L3MBTL4: variants seen among roughly 807,000 people sequenced by gnomAD.
L3MBTL4 encodes lethal(3)malignant brain tumor-like protein 4.
In L3MBTL4, 70 loss-of-function variants were observed where a neutral mutation model predicts 84.5. That is an observed-to-expected ratio of 0.83 (90% CI 0.68 to 1.01). The LOEUF (loss-of-function observed/expected upper bound fraction) is 1.01. L3MBTL4 is among the 50% of genes least tolerant of loss of function. L3MBTL4 has a pLI of 0.00. For synonymous variants in L3MBTL4, 274 were observed against 259.8 expected (o/e 1.05, Z -0.52); for missense variants, 715 against 754.8 (o/e 0.95, Z 0.62).
chr18:6,401,022 C>T (rs1421051628), intron 1 of L3MBTL4, among the ~76,000 whole-genome samples: 3 of 152,296 alleles, frequency 2.0e-5, no homozygotes, highest in African/African-American at 7.2e-5. Flanking sequence ...CCTGATGCTG[C>T]CAGCCTACTC....
intron 1 of L3MBTL4, among the ~76,000 whole-genome samples, chr18:6,328,258 G>C (rs1342094981): frequency 6.6e-6 from 1 of 152,220 alleles, no homozygotes; most frequent in Admixed American, 6.5e-5. Flanking sequence ...ATATTTGACT[G>C]TCAGGTAGTT....
In L3MBTL4 at chr18:6,239,848, G is replaced by C. The variant is rs768516115; in HGVS notation, c.577C>G (p.Gln193Glu). 2.5e-6 allele frequency: 4 copies of C among 1,614,162 alleles called. No individual in the cohort carries two copies. The East Asian group carries it at 6.7e-5, about 27-fold the overall frequency. ...ACGGCCTCCAGCTTCATTCCAACCT[G>C]AAATTCTTTAGACATTGGCCCATTC... ...SPNGPMSKEF[Q>E]VGMKLEAVDR... The change falls in exon 9 of 19, where the codon CAG becomes GAG. Residue 193 changes from glutamine (Q) to glutamate (E), a missense_variant. Transcript: ENST00000317931.
intron 16 of L3MBTL4, among the ~76,000 whole-genome samples, chr18:6,066,664 ATAAG>A (rs536149600): frequency 7.9e-4 from 121 of 152,258 alleles, no homozygotes; most frequent in Non-Finnish European, 1.5e-3. Flanking sequence ...TTTGTGTGAT[ATAAG>A]AATAGCTACT....
At chr18:5,961,528 T>C (rs1318492213) in intron 17 of L3MBTL4, among the ~76,000 whole-genome samples, 5 of 152,176 alleles carry the variant, frequency 3.3e-5, no homozygotes, top group Non-Finnish European at 5.9e-5. Context: ...GTGCTACAAA[T>C]ACATTCATGA....
chr18:6,196,372 T>C (rs1049392469), intron 12 of L3MBTL4, among the ~76,000 whole-genome samples: 1 of 152,106 alleles, frequency 6.6e-6, no homozygotes, highest in Admixed American at 6.6e-5. Flanking sequence ...TTGGCCAGGA[T>C]GGTCTTGATC....
At chr18:6,103,839 T>C (rs756200650) in intron 14 of L3MBTL4, among the ~76,000 whole-genome samples, 13 of 152,244 alleles carry the variant, frequency 8.5e-5, no homozygotes, top group Non-Finnish European at 1.6e-4. Flanking sequence ...GACAAACCTA[T>C]GCACTGAGAT....
In L3MBTL4 at chr18:6,304,596, C is replaced by T. The variant is rs189379741; in HGVS notation, c.73-2639G>A. 2.2e-3 allele frequency among the ~76,000 whole-genome samples: 332 copies of T among 152,324 alleles called. 4 individuals carry two copies. Among genetic ancestry groups the T allele is most frequent in the Admixed American group, 0.018 (278 of 15,308 alleles). On this transcript the variant is annotated intron_variant, in intron 3 of 18. Coordinates refer to ENST00000317931, the MANE Select transcript of L3MBTL4 (RefSeq NM_001330559.2). ...CGGCCCTCACTGTGAGTGGCAAAGC[C>T]ACCACCTTTTAGCAGGGCATGCAGT... is the stretch of plus-strand genomic sequence containing the variant.
intron 3 of L3MBTL4, among the ~76,000 whole-genome samples, chr18:6,305,318 A>G (rs867495917): frequency 2.6e-5 from 4 of 152,210 alleles, no homozygotes; most frequent in Non-Finnish European, 5.9e-5. Flanking sequence ...TACATTCTCT[A>G]GACCTGATTT....
intron 13 of L3MBTL4, among the ~76,000 whole-genome samples, chr18:6,160,248 T>C (rs944663991): frequency 6.6e-6 from 1 of 152,202 alleles, no homozygotes; most frequent in African/African-American, 2.4e-5. Flanking sequence ...GAGCCGGCGT[T>C]CATTCCCTTA....
At chr18:6,333,831 C>CT (rs1242579194) in intron 1 of L3MBTL4, among the ~76,000 whole-genome samples, 1 of 152,124 alleles carries the variant, frequency 6.6e-6, no homozygotes, top group Non-Finnish European at 1.5e-5. Flanking sequence ...CCCCGTAACC[C>CT]TCAAATATCA....
At chr18:6,285,307 A>C (rs1182195531) in intron 4 of L3MBTL4, among the ~76,000 whole-genome samples, 1 of 152,160 alleles carries the variant, frequency 6.6e-6, no homozygotes, top group Non-Finnish European at 1.5e-5. Flanking sequence ...AACTAAGGGG[A>C]ACAGAGCCAC....
chr18:6,023,423 C>T (rs1172230717), intron 16 of L3MBTL4, among the ~76,000 whole-genome samples: 1 of 152,026 alleles, frequency 6.6e-6, no homozygotes, highest in East Asian at 1.9e-4. Flanking sequence ...CTTTTCTTTC[C>T]TTTTGATAGA....
chr18:6,152,444 A>AT (rs1172640177), intron 13 of L3MBTL4, among the ~76,000 whole-genome samples: 1 of 152,108 alleles, frequency 6.6e-6, no homozygotes, highest in Non-Finnish European at 1.5e-5. Context: ...GTGTTAGGTG[A>AT]TATCTCACTG....
intron 16 of L3MBTL4, among the ~76,000 whole-genome samples, chr18:5,981,089 G>A (rs1410215728): frequency 3.3e-5 from 5 of 152,310 alleles, no homozygotes; most frequent in South Asian, 4.2e-4. Flanking sequence ...CAAATCAAAT[G>A]TGTGTACTCA....
chr18:6,284,093 T>A (rs2146614159), intron 4 of L3MBTL4, among the ~76,000 whole-genome samples: 1 of 152,330 alleles, frequency 6.6e-6, no homozygotes, highest in Non-Finnish European at 1.5e-5. Context: ...AGATGCTGTC[T>A]TAGGGGAAAA....
chr18:6,169,477 C>T (rs1043707661), intron 13 of L3MBTL4, among the ~76,000 whole-genome samples: 5 of 152,102 alleles, frequency 3.3e-5, no homozygotes, highest in African/African-American at 9.7e-5. Flanking sequence ...GGCACATATA[C>T]ACCATGGAAT....
At chr18:6,216,720 CT>C (rs2046343410) in intron 10 of L3MBTL4, among the ~76,000 whole-genome samples, 1 of 152,098 alleles carries the variant, frequency 6.6e-6, no homozygotes, top group African/African-American at 2.4e-5. Context: ...ATTCTTCTCA[CT>C]TTTTATTTTC....
At chr18:6,208,287 A>G (rs946654965) in intron 12 of L3MBTL4, among the ~76,000 whole-genome samples, 2 of 152,096 alleles carry the variant, frequency 1.3e-5, no homozygotes, top group Non-Finnish European at 2.9e-5. Flanking sequence ...GTTTTTCTCA[A>G]ACAAGAGCTT....
intron 16 of L3MBTL4, among the ~76,000 whole-genome samples, chr18:6,046,524 A>G (rs1386790542): frequency 6.6e-6 from 1 of 152,192 alleles, no homozygotes; most frequent in Admixed American, 6.5e-5. Context: ...AGTCTCAATA[A>G]ATTAAAAAAA....
Sources: allele counts gnomAD v4.1 joint callset (sites outside exome capture counted in the v4.1 genomes callset), GRCh38; gene constraint gnomAD v4.1.1; transcripts MANE v1.5; gene names NCBI Gene and HGNC (gene_info 2026-07-23, HGNC 2026-07-21).